The following DST variants were observed in gnomAD, a reference collection of about 807,000 sequenced individuals.
The protein encoded by DST is dystonin.
DST carries 253 observed loss-of-function variants against 875.2 expected under a neutral mutation model. That is an observed-to-expected ratio of 0.29 (90% CI 0.26 to 0.32). The LOEUF is 0.32. Among genes scored for constraint, DST ranks in the 10% least tolerant of loss-of-function variants. The pLI, the probability that DST is intolerant of heterozygous loss-of-function variation, is 1.00. For missense variants in DST, 8,287 were observed against 9,111.6 expected (o/e 0.91, Z 3.68); for synonymous variants, 3,124 against 3,197.1 (o/e 0.98, Z 0.77).
At position 56,560,370 on chromosome 6, in the gene DST, G is replaced by C; in HGVS notation, c.14364C>G (p.Asp4788Glu). The change falls in exon 58 of 104, where the codon GAC (aspartate) becomes GAG (glutamate). Residue 4788 changes from aspartate (D) to glutamate (E), a missense_variant. Transcript: ENST00000680361. ...QNVNKVQELK[D>E]KLTELLEENP... ...TCTCCTCCAACAGCTCTGTCAATTT[G>C]TCTTTCAACTCCTGTACTTTGTTTA... The C allele has an allele frequency of 6.2e-7, 1 of 1,607,896 alleles. No individual in the cohort carries two copies. Among genetic ancestry groups the C allele is most frequent in the Non-Finnish European group, 8.5e-7 (1 of 1,176,558 alleles).
At chr6:56,911,876 C>T (rs1287986910) in intron 2 of DST, among the ~76,000 whole-genome samples, 1 of 152,168 alleles carries the variant, frequency 6.6e-6, no homozygotes, top group Non-Finnish European at 1.5e-5. Flanking sequence ...CATTTTCTTT[C>T]CTGGTCGACC....
chr6:56,517,580 T>C lies in DST; in HGVS notation c.18170A>G (p.Glu6057Gly). 1 of 1,613,324 alleles carries C rather than the reference T, an allele frequency of 6.2e-7. No homozygotes were observed. Among genetic ancestry groups the C allele is most frequent in the Non-Finnish European group, 8.5e-7 (1 of 1,179,596 alleles). ...AADAELSWIT[E>G]TEKKLMSLGD... ...CAGAGACATCAATTTTTTTTCTGTT[T>C]CAGTAATCCAGGATAACTCAGCATC... The change falls in exon 70 of 104, where the codon GAA (glutamate) becomes GGA (glycine). Residue 6057 changes from glutamate (E) to glycine (G), a missense_variant. Around this residue, in one of 10 missense-constraint regions of DST, gnomAD observed 777 missense variants for 764.8 expected, o/e 1.02. Coordinates refer to ENST00000680361, the MANE Select transcript of DST (RefSeq NM_001374736.1).
Position 56,464,613 on chromosome 6 carries a change from G to T in DST, c.22759+72C>A, listed in dbSNP as rs978663297. On this transcript the variant is annotated intron_variant, in intron 100 of 103. Transcript: ENST00000680361. ...TGAAGCATGTTATTTTAAAACAAAT[G>T]ACTGAAGCAAGAATGGAAAAGTAGG... 36 of 1,113,890 alleles carry T rather than the reference G, an allele frequency of 3.2e-5. No individual in the cohort carries two copies. In the South Asian group the frequency reaches 4.7e-4, roughly 15 times the overall value. The allele number at this position is 1,113,890 out of a possible 1,614,324, so 69.0% of individuals were successfully genotyped here.
chr6:56,856,513 A>G (rs1161282269), intron 3 of DST, among the ~76,000 whole-genome samples: 1 of 152,212 alleles, frequency 6.6e-6, no homozygotes, highest in Non-Finnish European at 1.5e-5. Flanking sequence ...GCACACAAGG[A>G]AACAGACAAA....
chr6:56,783,752 C>T (rs4301307), intron 4 of DST, among the ~76,000 whole-genome samples: 25,625 of 151,772 alleles, frequency 0.17, 2,403 homozygotes, highest in Middle Eastern at 0.21. Context: ...TATGTGTGAA[C>T]CTGATCCTGT....
At chr6:56,637,040 G>A (rs886299050) in intron 22 of DST, among the ~76,000 whole-genome samples, 9 of 151,856 alleles carry the variant, frequency 5.9e-5, no homozygotes, top group Non-Finnish European at 8.8e-5. Context: ...CCAAAATTGC[G>A]CCATCGCACT....
chr6:56,614,373 GA>G lies in DST; in HGVS notation c.5040del (p.Phe1682SerfsTer36). ...TLKDAEKAGKPPFSKQKISSE... is the reference protein window; with the variant it reads ...TLKDAEKAGKXPFSKQKISSE... ...GTGAATACCTTTTGCTTAGAGAAGG[GA>G]GGTTTTCCAGCCTTCTCTGCATCTT... On this transcript the variant is annotated frameshift_variant, in exon 37 of 104. Transcript: ENST00000680361. LOFTEE classifies it high-confidence loss of function. The G allele has an allele frequency of 6.2e-7, 1 of 1,607,498 alleles. No individual in the cohort carries two copies. Among genetic ancestry groups the G allele is most frequent in the Non-Finnish European group, 8.5e-7 (1 of 1,177,028 alleles).
intron 82 of DST, among the ~76,000 whole-genome samples, chr6:56,494,795 T>C (rs2095856028): frequency 6.6e-6 from 1 of 152,072 alleles, no homozygotes; most frequent in Non-Finnish European, 1.5e-5. Context: ...GGACATAAAA[T>C]ATTGCTTAAA....
intron 4 of DST, among the ~76,000 whole-genome samples, chr6:56,780,014 T>G (rs1564136669): frequency 6.6e-6 from 1 of 151,416 alleles, no homozygotes. Context: ...CTGAGAATGA[T>G]GATTTCCAAT....
Position 56,553,014 on chromosome 6 carries a change from G to T in DST, c.15778C>A (p.Gln5260Lys). The change falls in exon 61 of 104, where the codon CAA becomes AAA. Residue 5260 changes from glutamine (Q) to lysine (K), a missense_variant. By Grantham distance (53) the Gln-to-Lys change is moderately conservative (BLOSUM62 1). Coordinates refer to ENST00000680361, the MANE Select transcript of DST (RefSeq NM_001374736.1). ...LIQKVDMVTE[Q>K]LHSKKFCLEN... ...AGACAGAATTTCTTACTGTGAAGTT[G>T]TTCAGTGACCATGTCCACCTTCTGG... 1.2e-6 allele frequency: 2 copies of T among 1,613,908 alleles called. No individual in the cohort carries two copies. The highest frequency in any genetic ancestry group is 1.7e-6 in the Non-Finnish European group (2 of 1,179,896).
intron 4 of DST, among the ~76,000 whole-genome samples, chr6:56,780,991 C>G (rs2099692450): frequency 1.3e-5 from 2 of 152,100 alleles, no homozygotes; most frequent in Non-Finnish European, 2.9e-5. Flanking sequence ...GAATCCTTTC[C>G]CCATTGCTTG....
At chr6:56,837,489 C>G (rs1437296911) in intron 4 of DST, among the ~76,000 whole-genome samples, 2 of 152,100 alleles carry the variant, frequency 1.3e-5, no homozygotes, top group Admixed American at 1.3e-4. Context: ...ACTCAGTCCT[C>G]CGCGCTGCTG....
chr6:56,803,059 A>G (rs1049618108), intron 4 of DST, among the ~76,000 whole-genome samples: 10 of 152,178 alleles, frequency 6.6e-5, no homozygotes, highest in Admixed American at 2.6e-4. Context: ...TTAATGTGTT[A>G]AGCATTGAGC....
At chr6:56,879,560 AAGAT>A (rs1204282771) in intron 3 of DST, among the ~76,000 whole-genome samples, 1 of 152,222 alleles carries the variant, frequency 6.6e-6, no homozygotes, top group African/African-American at 2.4e-5. Flanking sequence ...AGTCCCTATT[AAGAT>A]AGATAAAGAA....
chr6:56,595,290 G>C (rs2098352968), intron 47 of DST, among the ~76,000 whole-genome samples: 1 of 151,840 alleles, frequency 6.6e-6, no homozygotes, highest in South Asian at 2.1e-4. Flanking sequence ...TCTTTCATCA[G>C]ATATCTGCTT....
rs777614775 is a variant in DST at position 56,601,671 on chromosome 6, T to C, written c.11313A>G (p.Val3771=). The C allele has an allele frequency of 1.5e-5, 23 of 1,557,262 alleles. 1 individual carries two copies. In the South Asian group the frequency reaches 2.7e-4, roughly 19 times the overall value. ...VKKRLEFLKN[V]LKDLGHTKMQ... The stretch of plus-strand genomic sequence containing the variant: ...TTTTGGTATGTCCAAGGTCTTTTAA[T>C]ACATTCTGTTAAAAAAGTAGTACAA... Residue 3771 remains valine (V), a synonymous_variant, in exon 44 of 104, where the codon GTA becomes GTG. Transcript: ENST00000680361.
intron 5 of DST, among the ~76,000 whole-genome samples, chr6:56,711,252 G>T (rs570812845): frequency 7.1e-4 from 108 of 151,990 alleles, no homozygotes; most frequent in African/African-American, 2.4e-3. Flanking sequence ...TAAGATTTGG[G>T]GTATTTTAGT....
chr6:56,948,335 G>A (rs1319618952), intron 2 of DST, among the ~76,000 whole-genome samples: 2 of 152,038 alleles, frequency 1.3e-5, no homozygotes, highest in Non-Finnish European at 2.9e-5. Context: ...TTGCACTATG[G>A]GGCCATTATT....
intron 4 of DST, among the ~76,000 whole-genome samples, chr6:56,738,303 T>TAA (rs1452698677): frequency 1.3e-5 from 2 of 152,226 alleles, no homozygotes; most frequent in African/African-American, 2.4e-5. Flanking sequence ...TAATTCTGAA[T>TAA]ATAAATGCTC....
Sources: gnomAD v4.1 joint callset for allele counts (sites outside exome capture counted in the v4.1 genomes callset) on GRCh38, gnomAD v4.1.1 for gene constraint, gnomAD v4.1.1 regional missense constraint, MANE v1.5 for transcripts, NCBI Gene and HGNC (gene_info 2026-07-23, HGNC 2026-07-21) for gene names.